RALYL: variants seen among roughly 807,000 people sequenced by gnomAD.
RALYL encodes the protein RALY RNA binding protein like.
Under a neutral mutation model 35.1 loss-of-function variants are expected in RALYL, and 29 were observed. The observed-to-expected ratio is 0.83, with a 90% confidence interval of 0.61 to 1.13. The LOEUF (loss-of-function observed/expected upper bound fraction) is 1.13. RALYL is among the 50% of genes most tolerant of loss of function. RALYL has a pLI of 0.00. For missense variants in RALYL, 359 were observed against 360.4 expected, an observed-to-expected ratio of 1.00 and a Z score of 0.03; for synonymous variants, 120 against 127.6, an observed-to-expected ratio of 0.94 and a Z score of 0.40.
At chr8:84,207,841 G>T (rs1051877277) in intron 1 of RALYL, among the ~76,000 whole-genome samples, 1 of 146,876 alleles carries the variant, frequency 6.8e-6, no homozygotes, top group Non-Finnish European at 1.5e-5. Flanking sequence ...TATATATATA[G>T]AAACATTGCA....
intron 3 of RALYL, among the ~76,000 whole-genome samples, chr8:84,779,984 T>C (rs886962092): frequency 2.6e-5 from 4 of 152,234 alleles, no homozygotes; most frequent in African/African-American, 9.6e-5. Context: ...CATCTTCACT[T>C]CATTGACTTA....
At chr8:84,583,705 C>A (rs1307027296) in intron 2 of RALYL, among the ~76,000 whole-genome samples, 1 of 152,106 alleles carries the variant, frequency 6.6e-6, no homozygotes, top group African/African-American at 2.4e-5. Context: ...CATCCCTGCA[C>A]AATTATAAAA....
At chr8:84,854,359 A>T (rs1438151132) in intron 5 of RALYL, among the ~76,000 whole-genome samples, 1 of 79,738 alleles carries the variant, frequency 1.3e-5, no homozygotes, top group Non-Finnish European at 2.8e-5. Context: ...AAAGAAAAAG[A>T]AAAAGGAAGA....
chr8:84,622,861 C>T (rs11989459), intron 2 of RALYL, among the ~76,000 whole-genome samples: 2 of 151,962 alleles, frequency 1.3e-5, no homozygotes, highest in East Asian at 1.9e-4. Flanking sequence ...CACACCAAGT[C>T]GTTGTTATCT....
At chr8:84,238,076 G>T (rs1356723056) in intron 1 of RALYL, among the ~76,000 whole-genome samples, 1 of 151,978 alleles carries the variant, frequency 6.6e-6, no homozygotes, top group Non-Finnish European at 1.5e-5. Context: ...ATTAATAACC[G>T]TAATGTTAAG....
At chr8:84,804,915 G>A in intron 4 of RALYL, 113 bp downstream of exon 4, 2 of 503,700 alleles carry the variant, frequency 4.0e-6, no homozygotes, top group Middle Eastern at 7.2e-4. Context: ...TAACATATCA[G>A]TGCATGCAAC....
intron 1 of RALYL, among the ~76,000 whole-genome samples, chr8:84,337,745 A>G (rs1189508565): frequency 6.6e-6 from 1 of 152,092 alleles, no homozygotes; most frequent in Non-Finnish European, 1.5e-5. Context: ...CATCAAATTG[A>G]CAGTTTCCTT....
intron 2 of RALYL, among the ~76,000 whole-genome samples, chr8:84,676,961 C>G (rs1564355970): frequency 6.6e-6 from 1 of 152,110 alleles, no homozygotes; most frequent in Admixed American, 6.6e-5. Flanking sequence ...GCCACCACAC[C>G]TGGCTAATTT....
intron 1 of RALYL, among the ~76,000 whole-genome samples, chr8:84,324,334 C>T (rs772588394): frequency 6.6e-6 from 1 of 151,834 alleles, no homozygotes; most frequent in Non-Finnish European, 1.5e-5. Context: ...GATAACATTA[C>T]TCACTGTCTT....
intron 2 of RALYL, among the ~76,000 whole-genome samples, chr8:84,568,651 G>A (rs373663976): frequency 2.2e-5 from 3 of 135,888 alleles, no homozygotes; most frequent in Non-Finnish European, 4.8e-5. Flanking sequence ...GGTTGAACTA[G>A]TTTACAGTCC....
chr8:84,551,820 C>A (rs1461085776), intron 2 of RALYL, among the ~76,000 whole-genome samples: 1 of 152,056 alleles, frequency 6.6e-6, no homozygotes, highest in Non-Finnish European at 1.5e-5. Flanking sequence ...AAAGCTATGC[C>A]ATTTTTACCC....
intron 1 of RALYL, among the ~76,000 whole-genome samples, chr8:84,331,759 GAC>G (rs140862039): frequency 0.027 from 4,125 of 151,768 alleles, 100 homozygotes; most frequent in Non-Finnish European, 0.031. Flanking sequence ...TCATAAAAAT[GAC>G]AGTGTTTCCA....
intron 1 of RALYL, among the ~76,000 whole-genome samples, chr8:84,415,606 T>G (rs1438130060): frequency 2.0e-5 from 3 of 152,192 alleles, no homozygotes; most frequent in Non-Finnish European, 4.4e-5. Context: ...CATTCTGCAA[T>G]TCTGACGGAA....
chr8:84,332,226 T>G (rs995661172), intron 1 of RALYL, among the ~76,000 whole-genome samples: 3 of 152,198 alleles, frequency 2.0e-5, no homozygotes, highest in African/African-American at 7.2e-5. Flanking sequence ...AAGTGTCATC[T>G]GACTCTTCTT....
intron 4 of RALYL, among the ~76,000 whole-genome samples, chr8:84,839,424 G>T (rs1479316056): frequency 6.6e-6 from 1 of 152,240 alleles, no homozygotes; most frequent in Non-Finnish European, 1.5e-5. Context: ...CTGGGGGAGG[G>T]ATGCCCGCCA....
intron 2 of RALYL, among the ~76,000 whole-genome samples, chr8:84,701,975 G>A (rs117087160): frequency 1.3e-3 from 200 of 152,054 alleles, no homozygotes; most frequent in Non-Finnish European, 2.2e-3. Flanking sequence ...ACTATGTCTC[G>A]CCCTCTGTGA....
intron 3 of RALYL, among the ~76,000 whole-genome samples, chr8:84,782,733 G>A (rs1818480711): frequency 6.6e-6 from 1 of 152,174 alleles, no homozygotes; most frequent in Non-Finnish European, 1.5e-5. Context: ...AGCTTAGCAG[G>A]AACGTGTGCA....
At chr8:84,845,825 G>C (rs554191614) in intron 4 of RALYL, among the ~76,000 whole-genome samples, 1 of 152,254 alleles carries the variant, frequency 6.6e-6, no homozygotes, top group East Asian at 1.9e-4. Context: ...TTTTGTATAT[G>C]GTGAAAGGTT....
chr8:84,811,723 A>G (rs1445032060), intron 4 of RALYL, among the ~76,000 whole-genome samples: 1 of 151,900 alleles, frequency 6.6e-6, no homozygotes, highest in African/African-American at 2.4e-5. Flanking sequence ...CTTATTCTTT[A>G]TTATTTGTCA....
Sources: gnomAD v4.1 joint callset for allele counts (sites outside exome capture counted in the v4.1 genomes callset) on GRCh38, gnomAD v4.1.1 for gene constraint, MANE v1.5 for transcripts, NCBI Gene and HGNC (gene_info 2026-07-23, HGNC 2026-07-21) for gene names.